Variants in PTPRN2 observed in about 807,000 individuals in gnomAD.
The protein encoded by PTPRN2 is receptor-type tyrosine-protein phosphatase N2.
A neutral mutation model predicts 118.8 loss-of-function variants in PTPRN2; 74 were observed. The observed-to-expected ratio is 0.62, with a 90% CI of 0.52 to 0.76. PTPRN2 has a LOEUF of 0.76. PTPRN2 is among the 30% of genes least tolerant of loss of function. The pLI is 0.00. For missense variants in PTPRN2, 1,481 were observed against 1,394.4 expected, an observed-to-expected ratio of 1.06 and a Z score of -0.99; for synonymous variants, 641 against 608.0, an observed-to-expected ratio of 1.05 and a Z score of -0.80.
chr7:157,647,420 G>A (rs75538862), intron 14 of PTPRN2, among the ~76,000 whole-genome samples: 9 of 4,592 alleles, frequency 2.0e-3, no homozygotes, highest in Admixed American at 3.5e-3. Flanking sequence ...GGACCCATTC[G>A]CTGTGCACTG....
chr7:157,816,034 T>C (rs1806374438), intron 12 of PTPRN2, among the ~76,000 whole-genome samples: 1 of 152,162 alleles, frequency 6.6e-6, no homozygotes, highest in Non-Finnish European at 1.5e-5. Context: ...CACGTACAGA[T>C]CACGCCCTCT....
chr7:157,669,236 T>C lies in PTPRN2; in HGVS notation c.2002-12685A>G, dbSNP rs1275887952. Among the ~76,000 whole-genome samples the C allele has an allele frequency of 3.9e-5, 6 of 152,314 alleles. No homozygotes were observed. The East Asian group carries it at 1.2e-3, about 29-fold the overall frequency. On this transcript the variant is annotated intron_variant, in intron 13 of 22. Coordinates refer to ENST00000389418, the MANE Select transcript of PTPRN2 (RefSeq NM_002847.5). ...TGAATGCCAGGGGAGCCTCCCTTCT[T>C]CTGCCACGGAGTCAGGGCCCCGGCA...
chr7:158,043,523 TC>T (rs1808624219), intron 11 of PTPRN2, among the ~76,000 whole-genome samples: 1 of 152,142 alleles, frequency 6.6e-6, no homozygotes, highest in Non-Finnish European at 1.5e-5. Context: ...ACAAAAATAC[TC>T]ACCAACAATA....
chr7:157,645,317 C>G (rs1305139844), intron 14 of PTPRN2, among the ~76,000 whole-genome samples: 1 of 152,208 alleles, frequency 6.6e-6, no homozygotes, highest in Non-Finnish European at 1.5e-5. Context: ...CACTTGGATG[C>G]AGCCCTTCCC....
intron 11 of PTPRN2, among the ~76,000 whole-genome samples, chr7:157,936,538 C>G (rs1799709463): frequency 6.6e-6 from 1 of 152,176 alleles, no homozygotes; most frequent in Admixed American, 6.5e-5. Flanking sequence ...AATCTCACTT[C>G]TAGTGTCTCC....
At chr7:158,340,382 C>T (rs1297851707) in intron 2 of PTPRN2, among the ~76,000 whole-genome samples, 3 of 92,242 alleles carry the variant, frequency 3.3e-5, no homozygotes, top group Non-Finnish European at 7.0e-5. Context: ...CACACCCATA[C>T]TCTCACCATA....
chr7:158,274,179 G>A (rs1798773207), intron 3 of PTPRN2, among the ~76,000 whole-genome samples: 1 of 105,822 alleles, frequency 9.4e-6, no homozygotes, highest in African/African-American at 3.9e-5. Flanking sequence ...GACACAGGAG[G>A]AGACACACGA....
Position 158,570,551 on chromosome 7 carries a change from T to C in PTPRN2, c.112+17007A>G, listed in dbSNP as rs1271517600. 6.6e-6 allele frequency among the ~76,000 whole-genome samples: 1 copy of C among 152,118 alleles called. No individual in the cohort carries two copies. The highest frequency in any genetic ancestry group is 2.4e-5 in the African/African-American group (1 of 41,442). ...CCGATCCCCCGGCCGGCTCTGCCAC[T>C]GAAGCCTCTCCCTGTGTCCTCCGTG... is the stretch of plus-strand genomic sequence containing the variant. On this transcript the variant is annotated intron_variant, in intron 1 of 22. Transcript: ENST00000389418. This position sits in a 1 kb window ranked among gnomAD's most constrained non-coding sequence, Gnocchi z 4.5.
chr7:158,202,776 G>A (rs920128900), intron 4 of PTPRN2, among the ~76,000 whole-genome samples: 1 of 152,158 alleles, frequency 6.6e-6, no homozygotes, highest in Admixed American at 6.5e-5. Context: ...ACCATAGCTA[G>A]TGCCATCTAC....
At chr7:157,752,856 G>A (rs147917576) in intron 12 of PTPRN2, among the ~76,000 whole-genome samples, 19 of 152,380 alleles carry the variant, frequency 1.2e-4, no homozygotes, top group African/African-American at 4.3e-4. Flanking sequence ...AGGAACAGCC[G>A]TGGGACAGAC....
At chr7:158,195,698 T>C (rs1826160821) in intron 4 of PTPRN2, among the ~76,000 whole-genome samples, 1 of 152,112 alleles carries the variant, frequency 6.6e-6, no homozygotes, top group Non-Finnish European at 1.5e-5. Context: ...TAATATTTTC[T>C]ACCACAGTGT....
intron 4 of PTPRN2, among the ~76,000 whole-genome samples, chr7:158,193,925 A>G (rs1029134325): frequency 1.4e-5 from 2 of 142,570 alleles, no homozygotes; most frequent in Admixed American, 6.9e-5. Context: ...AAAAAAAAAA[A>G]GGAATATAAT....
intron 2 of PTPRN2, among the ~76,000 whole-genome samples, chr7:158,406,009 C>A (rs759370902): frequency 0.018 from 2,012 of 114,092 alleles, 33 homozygotes; most frequent in Middle Eastern, 0.062. Context: ...CCGTGAGACA[C>A]GTGGCTGCAC....
intron 12 of PTPRN2, among the ~76,000 whole-genome samples, chr7:157,867,840 C>T (rs968130328): frequency 6.6e-6 from 1 of 152,204 alleles, no homozygotes; most frequent in African/African-American, 2.4e-5. Context: ...GAGCTGGTCC[C>T]TAGACTGCTC....
chr7:158,477,251 G>A (rs1006893535), intron 2 of PTPRN2, among the ~76,000 whole-genome samples: 3 of 152,126 alleles, frequency 2.0e-5, no homozygotes, highest in African/African-American at 4.8e-5. Flanking sequence ...AACCAATAAT[G>A]CAAAGATGGT....
At chr7:158,372,160 G>T (rs1234638666) in intron 2 of PTPRN2, among the ~76,000 whole-genome samples, 1 of 152,130 alleles carries the variant, frequency 6.6e-6, no homozygotes, top group Non-Finnish European at 1.5e-5. Context: ...AGTCTCACCT[G>T]CCCACCCCGT....
intron 12 of PTPRN2, among the ~76,000 whole-genome samples, chr7:157,888,547 C>T (rs1210536129): frequency 1.4e-5 from 2 of 142,892 alleles, no homozygotes; most frequent in Admixed American, 6.9e-5. Flanking sequence ...CCATCCTGCG[C>T]CCCCCCACCC....
At chr7:158,392,834 G>A (rs943213793) in intron 2 of PTPRN2, among the ~76,000 whole-genome samples, 4 of 152,138 alleles carry the variant, frequency 2.6e-5, no homozygotes, top group East Asian at 1.9e-4. Flanking sequence ...AAGCCTCATC[G>A]GACCTGCAGG....
intron 15 of PTPRN2, among the ~76,000 whole-genome samples, chr7:157,614,995 C>T (rs73515069): frequency 0.01 from 1,590 of 152,306 alleles, 27 homozygotes; most frequent in African/African-American, 0.037. Flanking sequence ...TTAGTTATAA[C>T]GGGGCTGCAG....
Sources: allele counts gnomAD v4.1 joint callset (sites outside exome capture counted in the v4.1 genomes callset), GRCh38; gene constraint gnomAD v4.1.1; non-coding constraint Gnocchi (gnomAD v3.1); transcripts MANE v1.5; gene names NCBI Gene and HGNC (gene_info 2026-07-23, HGNC 2026-07-21).